Variants in MEGF9 observed in about 807,000 individuals in gnomAD.
MEGF9 encodes the protein multiple EGF like domains 9, also known as multiple epidermal growth factor-like domains protein 9.
MEGF9 carries 6 observed loss-of-function variants against 46.8 expected under a neutral mutation model. The observed-to-expected ratio is 0.13, with a 90% CI of 0.07 to 0.25. MEGF9 has a LOEUF of 0.25. MEGF9 is among the 10% of genes least tolerant of loss of function. MEGF9 has a pLI of 1.00. For missense variants in MEGF9, 683 were observed against 792.4 expected (o/e 0.86, Z 1.66); for synonymous variants, 302 against 330.7 (o/e 0.91, Z 0.94).
intron 2 of MEGF9, among the ~76,000 whole-genome samples, chr9:120,642,318 C>T (rs1476254915): frequency 6.6e-6 from 1 of 152,196 alleles, no homozygotes; most frequent in African/African-American, 2.4e-5. Context: ...GCTAGCCTTG[C>T]ACTTACATTG....
At chr9:120,644,486 A>T (rs562883772) in intron 2 of MEGF9, among the ~76,000 whole-genome samples, 1 of 152,342 alleles carries the variant, frequency 6.6e-6, no homozygotes, top group Middle Eastern at 3.4e-3. Context: ...CTAAACTTAA[A>T]GGATGGCTAT....
chr9:120,653,082 T>C (rs1463345615), intron 2 of MEGF9, among the ~76,000 whole-genome samples: 4 of 152,208 alleles, frequency 2.6e-5, no homozygotes, highest in African/African-American at 9.7e-5. Flanking sequence ...CCTTTCTCCC[T>C]TAACCCACTC....
In MEGF9 at chr9:120,693,275, C is replaced by CAAAA. The variant is rs10633158; in HGVS notation, c.601+20479_601+20482dup. On this transcript the variant is annotated intron_variant, in intron 1 of 5. Coordinates refer to ENST00000373930, the MANE Select transcript of MEGF9 (RefSeq NM_001080497.3). ...GGATTTGAAATTTTGTCTGGTTAAC[C>CAAAA]AAAAAAAAAAAAAAAAAAAGAAGAA... is the stretch of plus-strand genomic sequence containing the variant. Among the ~76,000 whole-genome samples, 166 of 104,310 alleles carry CAAAA rather than the reference C, an allele frequency of 1.6e-3. 1 individual carries two copies. The highest frequency in any genetic ancestry group is 5.2e-3 in the Middle Eastern group (1 of 192). 68.4% of individuals were successfully genotyped at this position (104,310 alleles called of 152,430 possible). A position where few individuals can be genotyped will look rare whatever the true frequency, so the allele number is the denominator to read the frequency against.
At chr9:120,609,776 C>G (rs995896201) in intron 4 of MEGF9, among the ~76,000 whole-genome samples, 6 of 152,064 alleles carry the variant, frequency 3.9e-5, no homozygotes, top group Non-Finnish European at 7.4e-5. Context: ...ACAGGATCAC[C>G]CTGTTATCTA....
Position 120,605,210 on chromosome 9 carries a change from T to C in MEGF9, c.1789A>G (p.Ile597Val). The C allele has an allele frequency of 6.2e-7, 1 of 1,613,648 alleles. No individual in the cohort carries two copies. The highest frequency in any genetic ancestry group is 8.5e-7 in the Non-Finnish European group (1 of 1,179,652). Reference sequence around the variant, plus strand: ...GCTCCTTAGGCTTTGTAGTTATGTATGGGCGTCGTCAGGGTCAGCTGCCCA... The same window carrying C: ...GCTCCTTAGGCTTTGTAGTTATGTACGGGCGTCGTCAGGGTCAGCTGCCCA... Reference protein sequence around the residue: ...PNGQLTLTTPIHNYKA With the variant: ...PNGQLTLTTPVHNYKA The change falls in exon 6 of 6, where the codon ATA becomes GTA. Residue 597 changes from isoleucine (I) to valine (V), a missense_variant. Physicochemically the swap from Ile to Val is conservative, Grantham distance 29 (BLOSUM62 3). Around this residue, in one of 2 missense-constraint regions of MEGF9, gnomAD observed 313 missense variants for 421.1 expected, o/e 0.74. Coordinates refer to ENST00000373930, the MANE Select transcript of MEGF9 (RefSeq NM_001080497.3). The surrounding 1 kb of genome is among the most constrained non-coding windows in gnomAD (Gnocchi z 4.0).
chr9:120,672,506 G>T (rs1018884844), intron 1 of MEGF9, among the ~76,000 whole-genome samples: 1 of 151,582 alleles, frequency 6.6e-6, no homozygotes, highest in African/African-American at 2.4e-5. Context: ...CTGTAGTCTC[G>T]GCTATTCCTG....
intron 2 of MEGF9, among the ~76,000 whole-genome samples, chr9:120,638,053 T>G (rs2043586452): frequency 6.6e-6 from 1 of 152,088 alleles, no homozygotes; most frequent in Admixed American, 6.5e-5. Flanking sequence ...AGTGCAGTGA[T>G]GCGATCACAG....
intron 1 of MEGF9, among the ~76,000 whole-genome samples, chr9:120,686,652 C>T (rs1483833560): frequency 6.6e-6 from 1 of 152,252 alleles, no homozygotes; most frequent in African/African-American, 2.4e-5. Context: ...TGCTCTACCA[C>T]TACCTCCTTT....
intron 3 of MEGF9, among the ~76,000 whole-genome samples, chr9:120,619,038 T>C (rs1415975222): frequency 6.6e-6 from 1 of 152,172 alleles, no homozygotes; most frequent in Admixed American, 6.5e-5. Flanking sequence ...CATATTGCTA[T>C]ATATCATTCT....
chr9:120,688,242 G>C (rs1468716609), intron 1 of MEGF9, among the ~76,000 whole-genome samples: 2 of 151,842 alleles, frequency 1.3e-5, no homozygotes, highest in Non-Finnish European at 2.9e-5. Context: ...TTCAAGTGAA[G>C]ATATGGTTAC....
intron 1 of MEGF9, among the ~76,000 whole-genome samples, chr9:120,708,995 A>C (rs2043940879): frequency 6.6e-6 from 1 of 152,200 alleles, no homozygotes; most frequent in East Asian, 1.9e-4. Flanking sequence ...TGTGATTAGG[A>C]ACTAACCACA....
chr9:120,634,446 CTTTTTTTTTTTTTTTTTTTTTTTTTTT>C (rs1158273579), intron 2 of MEGF9, among the ~76,000 whole-genome samples: 1 of 46,908 alleles, frequency 2.1e-5, no homozygotes, highest in Non-Finnish European at 3.9e-5. Flanking sequence ...TGTGGAATAT[CTTTTTTTTTTTTTTTTTTTTTTTTTTT>C]TGAGACGGAG....
intron 2 of MEGF9, among the ~76,000 whole-genome samples, chr9:120,628,201 A>G (rs2043534255): frequency 6.6e-6 from 1 of 152,208 alleles, no homozygotes. Flanking sequence ...TTGTAGAGGT[A>G]AGAAAATAAT....
intron 2 of MEGF9, among the ~76,000 whole-genome samples, chr9:120,629,858 G>A (rs1412239635): frequency 6.6e-6 from 1 of 151,922 alleles, no homozygotes; most frequent in African/African-American, 2.4e-5. Context: ...GCTTGAACCT[G>A]GCAGGTGGAG....
At chr9:120,689,626 T>G (rs1344921333) in intron 1 of MEGF9, among the ~76,000 whole-genome samples, 2 of 152,164 alleles carry the variant, frequency 1.3e-5, no homozygotes, top group Admixed American at 6.5e-5. Flanking sequence ...ACAGGATATT[T>G]ATCATTACCT....
chr9:120,645,263 T>C (rs1212494433), intron 2 of MEGF9, among the ~76,000 whole-genome samples: 1 of 152,228 alleles, frequency 6.6e-6, no homozygotes, highest in Non-Finnish European at 1.5e-5. Context: ...GAGATGTGGC[T>C]GCATATATAA....
Position 120,605,928 on chromosome 9 carries a change from C to T in MEGF9, c.1358-287G>A, listed in dbSNP as rs2043418621. On this transcript the variant is annotated intron_variant, in intron 5 of 5. Transcript: ENST00000373930. This position sits in a 1 kb window ranked among gnomAD's most constrained non-coding sequence, Gnocchi z 4.0. ...GTGGCTCACACCTGTAATCCCAGCACTTTGGGCGGCCGAGGGTGGTGGATC... is the reference window on the plus strand; with the variant it reads ...GTGGCTCACACCTGTAATCCCAGCATTTTGGGCGGCCGAGGGTGGTGGATC... Among the ~76,000 whole-genome samples, 1 of 151,930 alleles carries T rather than the reference C, an allele frequency of 6.6e-6. No individual in the cohort carries two copies. The highest frequency in any genetic ancestry group is 1.5e-5 in the Non-Finnish European group (1 of 67,974).
In MEGF9 at chr9:120,634,446, C is replaced by CTTTT. The variant is rs1158273579; in HGVS notation, c.804-11695_804-11692dup. Among the ~76,000 whole-genome samples, 16 of 46,910 alleles carry CTTTT rather than the reference C, an allele frequency of 3.4e-4. 3 individuals are homozygous for CTTTT. Among genetic ancestry groups the CTTTT allele is most frequent in the African/African-American group, 9.9e-4 (12 of 12,156 alleles). The allele number at this position is 46,910 out of a possible 152,430, so 30.8% of individuals were successfully genotyped here. A position where few individuals can be genotyped will look rare whatever the true frequency, so the allele number is the denominator to read the frequency against. On this transcript the variant is annotated intron_variant, in intron 2 of 5. Coordinates refer to ENST00000373930, the MANE Select transcript of MEGF9 (RefSeq NM_001080497.3). ...TTTGGTTTCCATATGTGTGGAATAT[C>CTTTT]TTTTTTTTTTTTTTTTTTTTTTTTT... is the stretch of plus-strand genomic sequence containing the variant.
chr9:120,702,043 T>TA (rs527744415), intron 1 of MEGF9, among the ~76,000 whole-genome samples: 6,003 of 144,426 alleles, frequency 0.042, 399 homozygotes, highest in African/African-American at 0.14. Context: ...ACTCTGTCTC[T>TA]AAAAAAAAAA....
Sources: allele counts gnomAD v4.1 joint callset (sites outside exome capture counted in the v4.1 genomes callset), GRCh38; gene constraint gnomAD v4.1.1; regional missense constraint gnomAD v4.1.1; non-coding constraint Gnocchi (gnomAD v3.1); transcripts MANE v1.5; gene names NCBI Gene and HGNC (gene_info 2026-07-23, HGNC 2026-07-21).